The following ZNF345 variants were observed in gnomAD, a reference collection of about 807,000 sequenced individuals.
ZNF345 encodes the protein zinc finger protein HZF10.
For synonymous variants in ZNF345, 166 were observed against 187.9 expected (o/e 0.88, Z 0.95); for missense variants, 527 against 589.9 (o/e 0.89, Z 1.10).
Position 36,877,267 on chromosome 19 carries a change from A to AT in ZNF345, c.438dup (p.Glu147Ter). 1 of 1,613,946 alleles carries AT rather than the reference A, an allele frequency of 6.2e-7. No individual in the cohort carries two copies. Among genetic ancestry groups the AT allele is most frequent in the Non-Finnish European group, 8.5e-7 (1 of 1,179,946 alleles). ...AGAATTCATACTGGTGAGAAACCCTATGAGTGTAAGGAATGTGGGAAAGCC... is the reference window on the plus strand; with the variant it reads ...AGAATTCATACTGGTGAGAAACCCTATTGAGTGTAAGGAATGTGGGAAAGCC... On this transcript the variant is annotated frameshift_variant, in exon 3 of 3. Transcript: ENST00000420450. LOFTEE classifies it low-confidence loss of function (END_TRUNC).
At chr19:36,892,956 G>A in exon 4 of ZNF345, 1 of 549,132 alleles carries the variant, frequency 1.8e-6, no homozygotes. Flanking sequence ...CCAGCAGGAT[G>A]CCGCTTCTGC....
At chr19:36,852,846 C>T (rs2072315093) in intron 2 of ZNF345, among the ~76,000 whole-genome samples, 1 of 151,348 alleles carries the variant, frequency 6.6e-6, no homozygotes, top group Admixed American at 6.6e-5. Context: ...TGATTCTTGG[C>T]CATTTGAATG....
intron 2 of ZNF345, among the ~76,000 whole-genome samples, chr19:36,876,257 T>C (rs1382697330): frequency 6.6e-6 from 1 of 152,238 alleles, no homozygotes; most frequent in Non-Finnish European, 1.5e-5. Flanking sequence ...AAACTGCTCT[T>C]TGTGGATTAT....
Position 36,891,297 on chromosome 19 carries a change from G to T in ZNF345, c.47-1521G>T, listed in dbSNP as rs2073048881. 7.6e-6 allele frequency: 4 copies of T among 527,836 alleles called. No homozygotes were observed. In the East Asian group the frequency reaches 1.3e-4, roughly 17 times the overall value. 32.7% of individuals were successfully genotyped at this position (527,836 alleles called of 1,614,324 possible). On this transcript the variant is annotated intron_variant, in intron 3 of 3. Transcript: ENST00000526123. ...CAGCACCCTTGAGTTTAGATTTCCAGGCTCTAAACTATGAGAGAATAAATT... is the reference window on the plus strand; with the variant it reads ...CAGCACCCTTGAGTTTAGATTTCCATGCTCTAAACTATGAGAGAATAAATT...
chr19:36,856,329 A>G (rs945812337), intron 2 of ZNF345, among the ~76,000 whole-genome samples: 14 of 152,186 alleles, frequency 9.2e-5, no homozygotes, highest in African/African-American at 3.4e-4. Context: ...GGGGATCTAA[A>G]TTCAATTTTT....
intron 2 of ZNF345, among the ~76,000 whole-genome samples, chr19:36,864,962 G>A (rs1440679187): frequency 6.6e-6 from 1 of 152,180 alleles, no homozygotes; most frequent in Non-Finnish European, 1.5e-5. Flanking sequence ...GGCAGACTGG[G>A]TTGTCTTACC....
chr19:36,892,206 A>G (rs1405176638), intron 3 of ZNF345: 3 of 1,614,178 alleles, frequency 1.9e-6, no homozygotes, highest in Non-Finnish European at 2.5e-6. Flanking sequence ...CGAGTGAGCC[A>G]CGACTAAAGG....
intron 2 of ZNF345, among the ~76,000 whole-genome samples, chr19:36,862,338 A>G (rs1364891017): frequency 6.6e-6 from 1 of 152,016 alleles, no homozygotes; most frequent in Middle Eastern, 3.4e-3. Flanking sequence ...ACTTGATTGT[A>G]TGAGTATGTA....
At chr19:36,874,297 C>T (rs968875961) in intron 2 of ZNF345, among the ~76,000 whole-genome samples, 14 of 151,896 alleles carry the variant, frequency 9.2e-5, no homozygotes, top group South Asian at 6.2e-4. Flanking sequence ...AGTTCGAGAC[C>T]AGCCTGGCCA....
Position 36,892,494 on chromosome 19 carries a change from A to G in ZNF345, c.47-324A>G, listed in dbSNP as rs1330554860. ...GATCTGAAAGAAAATACAAAGGCAA[A>G]TAAATTTTCCTATTCTGGGCAAGTT... On this transcript the variant is annotated intron_variant, in intron 3 of 3. Transcript: ENST00000526123. The G allele has an allele frequency of 6.5e-6, 10 of 1,537,070 alleles. No individual in the cohort carries two copies. In the Admixed American group the frequency reaches 1.7e-4, roughly 26 times the overall value.
At chr19:36,856,556 TC>T (rs1399914151) in intron 2 of ZNF345, among the ~76,000 whole-genome samples, 1 of 152,202 alleles carries the variant, frequency 6.6e-6, no homozygotes, top group East Asian at 1.9e-4. Flanking sequence ...ATGTGTCACT[TC>T]TTAAGATTGT....
Position 36,878,476 on chromosome 19 carries a change from T to C in ZNF345, c.*179T>C, listed in dbSNP as rs7259042. 5.5e-3 allele frequency: 2,628 copies of C among 477,052 alleles called. 57 individuals are homozygous for C. Among genetic ancestry groups the C allele is most frequent in the African/African-American group, 0.046 (2,284 of 49,898 alleles). The allele number at this position is 477,052 out of a possible 1,614,324, so 29.6% of individuals were successfully genotyped here. ...AATAAAATAAATATTTGAAGATCCT[T>C]ATCTATATTCATTCCTTCATTACTT... On this transcript the variant is annotated 3_prime_UTR_variant, in exon 3 of 3. Transcript: ENST00000420450.
chr19:36,891,408 T>C, intron 3 of ZNF345: 1 of 1,345,398 alleles, frequency 7.4e-7, no homozygotes, highest in Non-Finnish European at 9.9e-7. Flanking sequence ...GAACCTTTGA[T>C]AATATGTATC....
chr19:36,860,469 C>T (rs1400618670), intron 2 of ZNF345, among the ~76,000 whole-genome samples: 1 of 152,174 alleles, frequency 6.6e-6, no homozygotes, highest in African/African-American at 2.4e-5. Context: ...TTTAAATTTA[C>T]TAATTATGTC....
chr19:36,856,412 T>A (rs993174756), intron 2 of ZNF345, among the ~76,000 whole-genome samples: 4 of 152,240 alleles, frequency 2.6e-5, no homozygotes, highest in African/African-American at 9.6e-5. Flanking sequence ...TACTTTGTAC[T>A]GCCTACTTGG....
intron 2 of ZNF345, among the ~76,000 whole-genome samples, chr19:36,852,341 A>G (rs533598637): frequency 1.6e-3 from 241 of 152,062 alleles, no homozygotes; most frequent in African/African-American, 5.6e-3. Context: ...GGCTGGATGC[A>G]GTGGCTCATG....
At position 36,877,161 on chromosome 19, in the gene ZNF345, A is replaced by G. The variant is rs1251733926; in HGVS notation, c.331A>G (p.Ile111Val). The change falls in exon 3 of 3, where the codon ATT becomes GTT. Residue 111 changes from isoleucine (I) to valine (V), a missense_variant. Transcript: ENST00000420450. The stretch of plus-strand genomic sequence containing the variant: ...TGCAAACCTTGCTTACCATCAAAGA[A>G]TTCATACTGGTGAGAAGCCTTTTGA... The part of the protein sequence containing the change: ...SGANLAYHQR[I>V]HTGEKPFECK... 5.6e-6 allele frequency: 9 copies of G among 1,614,156 alleles called. No individual in the cohort carries two copies. The highest frequency in any genetic ancestry group is 7.6e-6 in the Non-Finnish European group (9 of 1,180,016).
At chr19:36,857,547 G>A (rs1466316054) in intron 2 of ZNF345, among the ~76,000 whole-genome samples, 1 of 152,070 alleles carries the variant, frequency 6.6e-6, no homozygotes, top group African/African-American at 2.4e-5. Context: ...GACCCCAGGT[G>A]ATCCACCCGC....
chr19:36,885,686 TG>T (rs1362808726), intron 3 of ZNF345, among the ~76,000 whole-genome samples: 2 of 152,068 alleles, frequency 1.3e-5, no homozygotes, highest in African/African-American at 4.8e-5. Context: ...TGAGCCACCG[TG>T]CCTGGCCTAT....
Sources: gnomAD v4.1 joint callset for allele counts (sites outside exome capture counted in the v4.1 genomes callset) on GRCh38, gnomAD v4.1.1 for gene constraint, MANE v1.5 for transcripts, NCBI Gene and HGNC (gene_info 2026-07-23, HGNC 2026-07-21) for gene names.